The following INSL6 variants were observed in gnomAD, a reference collection of about 807,000 sequenced individuals.
INSL6 encodes the protein insulin-like peptide INSL6.
Under a neutral mutation model 9.4 loss-of-function variants are expected in INSL6, and 16 were observed. The ratio of observed to expected loss-of-function variants is 1.70; its 90% confidence interval spans 1.15 to 2.59. INSL6 has a LOEUF of 2.59. Among genes scored for constraint, INSL6 ranks in the 30% most tolerant of loss-of-function variants. The pLI, the probability that INSL6 is intolerant of heterozygous loss-of-function variation, is 0.00. For synonymous variants in INSL6, 154 were observed against 96.9 expected, an observed-to-expected ratio of 1.59 and a Z score of -3.46; for missense variants, 391 against 257.3, an observed-to-expected ratio of 1.52 and a Z score of -3.56.
chr9:5,100,070 A>T, the INSL6 span: 1 of 152,362 alleles, frequency 6.6e-6, no homozygotes, highest in East Asian at 1.9e-4. Flanking sequence ...CTACTAATAC[A>T]TTTAATTGCA....
the INSL6 span, chr9:5,081,830 G>T: frequency 6.2e-7 from 1 of 1,613,584 alleles, no homozygotes; most frequent in Non-Finnish European, 8.5e-7. Context: ...TTTGAAGAGA[G>T]ACATTTGAAA....
chr9:5,115,300 A>G, the INSL6 span, among the ~76,000 whole-genome samples: 76 of 152,314 alleles, frequency 5.0e-4, no homozygotes, highest in African/African-American at 1.8e-3. Flanking sequence ...GCCAACAAAC[A>G]TATGAAAAAA....
the INSL6 span, among the ~76,000 whole-genome samples, chr9:5,060,843 T>TA: frequency 6.6e-6 from 1 of 152,214 alleles, no homozygotes. Context: ...AATCACTATC[T>TA]ATGGCAGCTT....
chr9:4,998,469 C>G, the INSL6 span, among the ~76,000 whole-genome samples: 4 of 152,068 alleles, frequency 2.6e-5, no homozygotes, highest in Non-Finnish European at 5.9e-5. Flanking sequence ...GTTGGTCAGG[C>G]TGGTCTCGAA....
chr9:5,170,728 C>T (rs994482571), intron 1 of INSL6, among the ~76,000 whole-genome samples: 16 of 151,888 alleles, frequency 1.1e-4, no homozygotes, highest in South Asian at 2.1e-4. Context: ...ACCAATAAAC[C>T]GGAAAATCTA....
At chr9:5,054,416 G>A in the INSL6 span, 2 of 604,946 alleles carry the variant, frequency 3.3e-6, no homozygotes, top group South Asian at 2.1e-5. The surrounding 1 kb of genome is among the most constrained non-coding windows in gnomAD (Gnocchi z 4.9). Flanking sequence ...GTATGGATGG[G>A]GGTTATGTCA....
the INSL6 span, chr9:5,110,893 G>A: frequency 4.8e-5 from 26 of 538,690 alleles, no homozygotes; most frequent in Non-Finnish European, 8.5e-5. Flanking sequence ...TGTCTGAGAT[G>A]CCCGCTCTGG....
intron 1 of INSL6, among the ~76,000 whole-genome samples, chr9:5,177,459 C>A (rs1033238718): frequency 1.3e-5 from 2 of 152,120 alleles, no homozygotes; most frequent in Admixed American, 6.5e-5. Flanking sequence ...GCCTTGGGTT[C>A]GACACACAGA....
the INSL6 span, among the ~76,000 whole-genome samples, chr9:5,012,848 G>A: frequency 3.3e-5 from 5 of 152,254 alleles, no homozygotes; most frequent in South Asian, 4.2e-4. Context: ...CTAAACATTC[G>A]TAAAATATGA....
intron 2 of INSL6, among the ~76,000 whole-genome samples, chr9:5,145,675 A>T (rs946027125): frequency 6.6e-6 from 1 of 151,742 alleles, no homozygotes; most frequent in Non-Finnish European, 1.5e-5. Context: ...TTTTTTCTCT[A>T]TTCTTGTCTA....
the INSL6 span, chr9:5,081,673 C>T: frequency 1.5e-6 from 2 of 1,348,612 alleles, no homozygotes; most frequent in Non-Finnish European, 2.1e-6. Context: ...TCAGTTTAGT[C>T]CAGAGAATGT....
chr9:5,159,580 T>A (rs1824881404), downstream of INSL6, among the ~76,000 whole-genome samples: 1 of 151,670 alleles, frequency 6.6e-6, no homozygotes, highest in South Asian at 2.1e-4. Flanking sequence ...ATTAAAGGGG[T>A]CAATTCAGTA....
chr9:5,118,686 AAGTG>A, the INSL6 span, among the ~76,000 whole-genome samples: 2 of 152,226 alleles, frequency 1.3e-5, no homozygotes, highest in Admixed American at 6.5e-5. Context: ...TTGTTTGTGT[AAGTG>A]AGTGGACAGG....
the INSL6 span, among the ~76,000 whole-genome samples, chr9:5,117,977 G>C: frequency 6.6e-6 from 1 of 152,132 alleles, no homozygotes; most frequent in Non-Finnish European, 1.5e-5. Flanking sequence ...TTTTTAAATT[G>C]ATAGCTAATT....
chr9:5,031,187 G>C, the INSL6 span, among the ~76,000 whole-genome samples: 1 of 152,010 alleles, frequency 6.6e-6, no homozygotes, highest in Non-Finnish European at 1.5e-5. Context: ...TCCTAACAAA[G>C]GCATTTTACG....
the INSL6 span, among the ~76,000 whole-genome samples, chr9:5,028,321 G>A: frequency 6.6e-6 from 1 of 152,138 alleles, no homozygotes; most frequent in African/African-American, 2.4e-5. Flanking sequence ...TGAGCTTTAG[G>A]TCTCAACGGT....
chr9:5,063,978 A>C, the INSL6 span, among the ~76,000 whole-genome samples: 1 of 152,168 alleles, frequency 6.6e-6, no homozygotes, highest in African/African-American at 2.4e-5. Flanking sequence ...CAACATGTTG[A>C]AACTCTGTCT....
intron 1 of INSL6, among the ~76,000 whole-genome samples, chr9:5,179,115 A>G (rs1825385339): frequency 6.6e-6 from 1 of 152,096 alleles, no homozygotes. Flanking sequence ...CAATCTATCC[A>G]TCTGACAAAG....
At chr9:5,093,484 G>A in the INSL6 span, among the ~76,000 whole-genome samples, 4 of 152,118 alleles carry the variant, frequency 2.6e-5, no homozygotes, top group African/African-American at 7.2e-5. Flanking sequence ...AGTAGAATCT[G>A]ACCTATTGGT....
Sources: gnomAD v4.1 joint callset for allele counts (sites outside exome capture counted in the v4.1 genomes callset) on GRCh38, gnomAD v4.1.1 for gene constraint, Gnocchi (gnomAD v3.1) non-coding constraint, MANE v1.5 for transcripts, NCBI Gene and HGNC (gene_info 2026-07-23, HGNC 2026-07-21) for gene names.